The following RTN1 variants were observed in gnomAD, a reference collection of about 807,000 sequenced individuals.
The protein encoded by RTN1 is reticulon 1, also known as reticulon-1.
Under a neutral mutation model 65.5 loss-of-function variants are expected in RTN1, and 25 were observed. The observed-to-expected ratio is 0.38, with a 90% CI of 0.28 to 0.53. The LOEUF (loss-of-function observed/expected upper bound fraction) is 0.53, where lower values mean the gene tolerates loss of function less well. RTN1 is among the 20% of genes least tolerant of loss of function. The pLI, the probability that RTN1 is intolerant of heterozygous loss-of-function variation, is 0.79. For synonymous variants in RTN1, 471 were observed against 447.6 expected (o/e 1.05, Z -0.66); for missense variants, 983 against 1,025.4 (o/e 0.96, Z 0.57).
At chr14:59,767,619 G>A (rs1397641306) in intron 1 of RTN1, among the ~76,000 whole-genome samples, 1 of 152,136 alleles carries the variant, frequency 6.6e-6, no homozygotes, top group Non-Finnish European at 1.5e-5. Flanking sequence ...ACAGCAGAAA[G>A]AATAAAAAGC....
At chr14:59,748,172 C>G (rs1885267430) in intron 1 of RTN1, among the ~76,000 whole-genome samples, 1 of 150,406 alleles carries the variant, frequency 6.6e-6, no homozygotes, top group African/African-American at 2.4e-5. Flanking sequence ...AAGAAACCTC[C>G]CCTAATGCGC....
chr14:59,738,699 C>T (rs1215362558), intron 2 of RTN1, among the ~76,000 whole-genome samples: 1 of 152,184 alleles, frequency 6.6e-6, no homozygotes, highest in Non-Finnish European at 1.5e-5. Context: ...GATACAGGCA[C>T]ATGTATGTTT....
chr14:59,626,372 A>T (rs1882399891), intron 3 of RTN1, among the ~76,000 whole-genome samples: 2 of 152,208 alleles, frequency 1.3e-5, no homozygotes. Context: ...AATAACTTAC[A>T]TTCTGGCAAT....
intron 3 of RTN1, among the ~76,000 whole-genome samples, chr14:59,644,297 C>T (rs1882843325): frequency 1.3e-5 from 2 of 152,198 alleles, no homozygotes; most frequent in African/African-American, 2.4e-5. Context: ...AGGATGATCA[C>T]TTACCCAGGA....
At chr14:59,819,194 C>T (rs1392021010) in intron 1 of RTN1, among the ~76,000 whole-genome samples, 7 of 152,168 alleles carry the variant, frequency 4.6e-5, no homozygotes, top group South Asian at 2.1e-4. Context: ...AAAAGTGGCG[C>T]GGACCTGAAA....
At chr14:59,788,163 A>C (rs1308555997) in intron 1 of RTN1, among the ~76,000 whole-genome samples, 2 of 152,174 alleles carry the variant, frequency 1.3e-5, no homozygotes, top group Non-Finnish European at 2.9e-5. Flanking sequence ...TTTTATAACA[A>C]TGCTCCAATA....
Position 59,727,495 on chromosome 14 carries a change from T to C in RTN1, c.1189A>G (p.Ser397Gly). ...CTGCTGGCCTCGTGGTCCAGGGGGC[T>C]GGGGATGGTTGGCGGTCCGGACCTG... ...KARSGPPTIP[S>G]PLDHEASSAE... The change falls in exon 3 of 9, where the codon AGC (serine) becomes GGC (glycine). Residue 397 changes from serine to glycine, a missense_variant. Transcript: ENST00000267484. The surrounding 1 kb of genome is among the most constrained non-coding windows in gnomAD (Gnocchi z 4.2). 6.3e-7 allele frequency: 1 copy of C among 1,591,742 alleles called. No individual in the cohort carries two copies. The highest frequency in any genetic ancestry group is 1.3e-5 in the African/African-American group (1 of 74,630).
intron 2 of RTN1, among the ~76,000 whole-genome samples, chr14:59,734,868 A>C (rs1336424541): frequency 3.9e-5 from 6 of 152,212 alleles, no homozygotes; most frequent in African/African-American, 1.4e-4. Context: ...CAACACTCAA[A>C]TTCAAGAAAT....
rs1887840569 is a variant in RTN1 at position 59,868,833 on chromosome 14, TC to T, written c.241+1556del. Among the ~76,000 whole-genome samples, 1 of 152,218 alleles carries T rather than the reference TC, an allele frequency of 6.6e-6. No individual in the cohort carries two copies. The highest frequency in any genetic ancestry group is 2.1e-4 in the South Asian group (1 of 4,836). ...AAGATTCTGAACTATGAGCAGTCTATCCTCAACAAAGAATGGTAAAGACAAA... is the reference window on the plus strand; with the variant it reads ...AAGATTCTGAACTATGAGCAGTCTATCTCAACAAAGAATGGTAAAGACAAA... On this transcript the variant is annotated intron_variant, in intron 1 of 8. Coordinates refer to ENST00000267484, the MANE Select transcript of RTN1 (RefSeq NM_021136.3). This position sits in a 1 kb window ranked among gnomAD's most constrained non-coding sequence, Gnocchi z 4.0.
rs1273823712 is a variant in RTN1 at position 59,870,579 on chromosome 14, CG to C, written c.51del (p.Ser19ProfsTer15). The C allele has an allele frequency of 1.4e-6, 2 of 1,449,064 alleles. No individual in the cohort carries two copies. The highest frequency in any genetic ancestry group is 1.8e-6 in the Non-Finnish European group (2 of 1,105,652). The allele number at this position is 1,449,064 out of a possible 1,614,324, so 89.8% of individuals were successfully genotyped here. On this transcript the variant is annotated frameshift_variant, in exon 1 of 9. Coordinates refer to ENST00000267484, the MANE Select transcript of RTN1 (RefSeq NM_021136.3). LOFTEE classifies it high-confidence loss of function. This position sits in a 1 kb window ranked among gnomAD's most constrained non-coding sequence, Gnocchi z 5.1. Reference sequence around the variant, plus strand: ...CCCCGGTGCCTGAGCCACTGGGACCCGGGGCCGGCCAGCGGCAGCAGCTCGT... The same window carrying C: ...CCCCGGTGCCTGAGCCACTGGGACCCGGGCCGGCCAGCGGCAGCAGCTCGT... ...PQDELLPLAG[P>X]GSQWLRHRGE...
At chr14:59,668,462 T>C (rs968251357) in intron 3 of RTN1, among the ~76,000 whole-genome samples, 3 of 152,160 alleles carry the variant, frequency 2.0e-5, no homozygotes, top group African/African-American at 7.2e-5. Flanking sequence ...TCAAGATGGA[T>C]TAAAGACTGA....
intron 3 of RTN1, among the ~76,000 whole-genome samples, chr14:59,681,344 A>G (rs1386088472): frequency 6.6e-6 from 1 of 152,186 alleles, no homozygotes; most frequent in Non-Finnish European, 1.5e-5. Flanking sequence ...GTTTTATTCC[A>G]TGAGTAACTG....
chr14:59,623,520 C>T (rs900361528), intron 3 of RTN1, among the ~76,000 whole-genome samples: 1 of 152,172 alleles, frequency 6.6e-6, no homozygotes, highest in Non-Finnish European at 1.5e-5. Flanking sequence ...GAGGAAAAGA[C>T]GGGCTTTGGA....
chr14:59,727,803 A>T lies in RTN1; in HGVS notation c.1016-135T>A. On this transcript the variant is annotated intron_variant, in intron 2 of 8. Coordinates refer to ENST00000267484, the MANE Select transcript of RTN1 (RefSeq NM_021136.3). This position sits in a 1 kb window ranked among gnomAD's most constrained non-coding sequence, Gnocchi z 4.2. ...TTGCTTGAGAAACACATATCTCATT[A>T]GCACAAAAATAATCTGTTTCCAGGG... 1 of 1,247,744 alleles carries T rather than the reference A, an allele frequency of 8.0e-7. No homozygotes were observed. Among genetic ancestry groups the T allele is most frequent in the Non-Finnish European group, 1.1e-6 (1 of 932,768 alleles). 77.3% of individuals were successfully genotyped at this position (1,247,744 alleles called of 1,614,324 possible). A position where few individuals can be genotyped will look rare whatever the true frequency, so the allele number is the denominator to read the frequency against.
chr14:59,866,557 C>T (rs773117335), intron 1 of RTN1, among the ~76,000 whole-genome samples: 17 of 152,010 alleles, frequency 1.1e-4, no homozygotes, highest in Admixed American at 9.8e-4. Context: ...TTAATTTAAC[C>T]TAATTTGAAT....
Position 59,653,639 on chromosome 14 carries a change from CAT to C in RTN1, c.1766-46149_1766-46148del, listed in dbSNP as rs1394958918. 7.3e-5 allele frequency among the ~76,000 whole-genome samples: 11 copies of C among 151,512 alleles called. No individual in the cohort carries two copies. In the East Asian group the frequency reaches 2.1e-3, roughly 29 times the overall value. Reference sequence around the variant, plus strand: ...AAAACTATATATATAAAGCAATAGTCATATGACTATATTATTGAATTTATAAC... The same window carrying C: ...AAAACTATATATATAAAGCAATAGTCATGACTATATTATTGAATTTATAAC... On this transcript the variant is annotated intron_variant, in intron 3 of 8. Transcript: ENST00000267484.
chr14:59,651,772 C>A (rs527765903), intron 3 of RTN1, among the ~76,000 whole-genome samples: 4 of 151,956 alleles, frequency 2.6e-5, no homozygotes, highest in African/African-American at 9.6e-5. Flanking sequence ...CCAAAAAAAC[C>A]CAACATAGGT....
At chr14:59,717,373 T>C (rs1431025112) in intron 3 of RTN1, among the ~76,000 whole-genome samples, 1 of 152,176 alleles carries the variant, frequency 6.6e-6, no homozygotes, top group Non-Finnish European at 1.5e-5. Context: ...CTATTAGTGG[T>C]AGTGAAATGT....
intron 8 of RTN1, 32 bp downstream of exon 8, chr14:59,603,033 T>C: frequency 6.3e-7 from 1 of 1,585,038 alleles, no homozygotes; most frequent in South Asian, 1.1e-5. Context: ...TAAGAGAGTC[T>C]CTCCTTTTAT....
Sources: gnomAD v4.1 joint callset for allele counts (sites outside exome capture counted in the v4.1 genomes callset) on GRCh38, gnomAD v4.1.1 for gene constraint, Gnocchi (gnomAD v3.1) non-coding constraint, MANE v1.5 for transcripts, NCBI Gene and HGNC (gene_info 2026-07-23, HGNC 2026-07-21) for gene names.